The following IL1RAPL1 variants were observed in gnomAD, a reference collection of about 807,000 sequenced individuals.
The protein encoded by IL1RAPL1 is interleukin 1 receptor accessory protein like 1, also known as interleukin-1 receptor accessory protein-like 1.
A neutral mutation model predicts 48.4 loss-of-function variants in IL1RAPL1; 3 were observed. The observed-to-expected ratio is 0.06, with a 90% CI of 0.03 to 0.16. IL1RAPL1 has a LOEUF of 0.16. Ranked by LOEUF, IL1RAPL1 falls within the 10% of genes least tolerant of loss-of-function variation. The pLI is 1.00. For missense variants in IL1RAPL1, 349 were observed against 530.6 expected (o/e 0.66, Z 3.36); for synonymous variants, 185 against 187.7 (o/e 0.99, Z 0.12).
chrX:29,538,659 G>A (rs1921327769), intron 5 of IL1RAPL1, among the ~76,000 whole-genome samples: 1 of 105,955 alleles, frequency 9.4e-6, no homozygotes, highest in African/African-American at 3.5e-5. Context: ...TTTTTTTAAA[G>A]CAATTTAGTA....
intron 3 of IL1RAPL1, among the ~76,000 whole-genome samples, chrX:29,331,871 T>A (rs966170524): frequency 9.0e-6 from 1 of 110,962 alleles, no homozygotes; most frequent in African/African-American, 3.3e-5. Flanking sequence ...CAGCCTTAAC[T>A]TCATCCCCAG....
chrX:28,612,705 G>T (rs1257059636), intron 1 of IL1RAPL1, among the ~76,000 whole-genome samples: 1 of 112,159 alleles, frequency 8.9e-6, no homozygotes, highest in African/African-American at 3.2e-5. Flanking sequence ...GTGAAGAGAG[G>T]TATTCTAAGG....
intron 1 of IL1RAPL1, among the ~76,000 whole-genome samples, chrX:28,726,504 A>G (rs753445713): frequency 2.7e-5 from 3 of 112,088 alleles, no homozygotes; most frequent in Admixed American, 9.5e-5. Flanking sequence ...TTGTGTGGGG[A>G]TTGTGGTAGA....
At position 29,284,493 on chromosome X, in the gene IL1RAPL1, A is replaced by G. The variant is rs1313884575; in HGVS notation, c.362+1276A>G. On this transcript the variant is annotated intron_variant, in intron 3 of 10. Coordinates refer to ENST00000378993, the MANE Select transcript of IL1RAPL1 (RefSeq NM_014271.4). Reference sequence around the variant, plus strand: ...CATGGTGGCTCACGCCTGTAATCCCAGAACTTTGGGAGGCCGAGGCAGGCA... The same window carrying G: ...CATGGTGGCTCACGCCTGTAATCCCGGAACTTTGGGAGGCCGAGGCAGGCA... Among the ~76,000 whole-genome samples, 3 of 112,690 alleles carry G rather than the reference A, an allele frequency of 2.7e-5. No individual in the cohort carries two copies. The East Asian group carries it at 8.3e-4, about 31-fold the overall frequency.
Position 29,333,608 on chromosome X carries a change from G to A in IL1RAPL1, c.362+50391G>A, listed in dbSNP as rs1247232201. Among the ~76,000 whole-genome samples the A allele has an allele frequency of 1.3e-4, 11 of 87,676 alleles. No homozygotes were observed. In the East Asian group the frequency reaches 3.7e-3, roughly 30 times the overall value. 76.1% of individuals were successfully genotyped at this position (87,676 alleles called of 115,157 possible). Reference sequence around the variant, plus strand: ...TGACCCCCCCACCTCCCTCCCAGACGGGGCGGCTGGCCGGGCAGAGGGGCT... The same window carrying A: ...TGACCCCCCCACCTCCCTCCCAGACAGGGCGGCTGGCCGGGCAGAGGGGCT... On this transcript the variant is annotated intron_variant, in intron 3 of 10. Transcript: ENST00000378993.
At chrX:29,146,986 T>C (rs1602080596) in intron 2 of IL1RAPL1, among the ~76,000 whole-genome samples, 1 of 112,255 alleles carries the variant, frequency 8.9e-6, no homozygotes, top group East Asian at 2.8e-4. Flanking sequence ...AATTATAAAA[T>C]AAACTCAGAT....
At chrX:28,797,029 G>A (rs1936621034) in intron 2 of IL1RAPL1, among the ~76,000 whole-genome samples, 1 of 112,280 alleles carries the variant, frequency 8.9e-6, no homozygotes, top group South Asian at 3.7e-4. Context: ...AGCCACCAAG[G>A]CTTGGGGCTT....
intron 2 of IL1RAPL1, among the ~76,000 whole-genome samples, chrX:29,047,337 A>G (rs753567768): frequency 3.6e-5 from 4 of 111,855 alleles, no homozygotes; most frequent in Non-Finnish European, 5.6e-5. Flanking sequence ...ACTATCCCTC[A>G]TTAATTGATT....
chrX:29,504,390 G>T (rs1252119181), intron 5 of IL1RAPL1, among the ~76,000 whole-genome samples: 1 of 111,342 alleles, frequency 9.0e-6, no homozygotes, highest in African/African-American at 3.3e-5. Flanking sequence ...TTTCTTTGTC[G>T]ATTTTCTGTC....
intron 2 of IL1RAPL1, among the ~76,000 whole-genome samples, chrX:29,186,049 A>G (rs1332952260): frequency 8.9e-6 from 1 of 112,222 alleles, no homozygotes; most frequent in African/African-American, 3.2e-5. Flanking sequence ...CTCTAAATAA[A>G]ACTCACTGTT....
At chrX:29,711,606 G>A (rs1927357259) in intron 6 of IL1RAPL1, among the ~76,000 whole-genome samples, 1 of 111,808 alleles carries the variant, frequency 8.9e-6, no homozygotes, top group African/African-American at 3.2e-5. Context: ...ATAAGGTTTT[G>A]TGTTTATTAT....
At chrX:28,932,975 C>G (rs762620022) in intron 2 of IL1RAPL1, among the ~76,000 whole-genome samples, 68 of 111,445 alleles carry the variant, frequency 6.1e-4, no homozygotes, top group Non-Finnish European at 1.2e-3. Flanking sequence ...AATGCTTGAT[C>G]CAAGTACCTC....
At chrX:29,885,102 T>C (rs1230088102) in intron 6 of IL1RAPL1, among the ~76,000 whole-genome samples, 3 of 111,429 alleles carry the variant, frequency 2.7e-5, no homozygotes, top group Non-Finnish European at 3.8e-5. Flanking sequence ...CCCACTGGCC[T>C]TCTTGCTGTT....
intron 5 of IL1RAPL1, among the ~76,000 whole-genome samples, chrX:29,570,247 G>A (rs997750977): frequency 2.7e-5 from 3 of 112,308 alleles, no homozygotes; most frequent in East Asian, 5.6e-4. Flanking sequence ...AGAATTGTTC[G>A]TACATCTACA....
intron 2 of IL1RAPL1, among the ~76,000 whole-genome samples, chrX:29,160,990 G>A (rs568013539): frequency 8.1e-5 from 9 of 110,676 alleles, no homozygotes; most frequent in African/African-American, 2.3e-4. Context: ...CCCGGGAGGC[G>A]GAGGTTGCAG....
At chrX:29,447,321 C>T (rs1315771175) in intron 5 of IL1RAPL1, among the ~76,000 whole-genome samples, 1 of 106,045 alleles carries the variant, frequency 9.4e-6, no homozygotes, top group African/African-American at 3.5e-5. Flanking sequence ...ATATGCGCCT[C>T]ATATTGTTTT....
intron 1 of IL1RAPL1, among the ~76,000 whole-genome samples, chrX:28,708,768 G>A (rs1935405508): frequency 9.0e-6 from 1 of 111,255 alleles, no homozygotes; most frequent in Admixed American, 9.6e-5. Flanking sequence ...ATCACATGGA[G>A]GTAGAGAATG....
chrX:29,505,468 GA>G (rs1935318167), intron 5 of IL1RAPL1, among the ~76,000 whole-genome samples: 1 of 110,846 alleles, frequency 9.0e-6, no homozygotes, highest in Non-Finnish European at 1.9e-5. Context: ...GTTTTTCTGG[GA>G]AAAACATTAT....
At chrX:29,191,926 G>A (rs1014653522) in intron 2 of IL1RAPL1, among the ~76,000 whole-genome samples, 41 of 111,500 alleles carry the variant, frequency 3.7e-4, no homozygotes, top group Admixed American at 1.9e-3. Context: ...GCTCCTTGTC[G>A]CACGTGGCCC....
Sources: allele counts gnomAD v4.1 joint callset (sites outside exome capture counted in the v4.1 genomes callset), GRCh38; gene constraint gnomAD v4.1.1; transcripts MANE v1.5; gene names NCBI Gene and HGNC (gene_info 2026-07-23, HGNC 2026-07-21).